Variants in PARD3B observed in about 807,000 individuals in gnomAD.
The protein encoded by PARD3B is par-3 family cell polarity regulator beta.
In PARD3B, 103 loss-of-function variants were observed where a neutral mutation model predicts 130.2. That is an observed-to-expected ratio of 0.79 (90% confidence interval 0.67 to 0.93). The LOEUF is 0.93. PARD3B is among the 40% of genes least tolerant of loss of function. PARD3B has a pLI of 0.00. For synonymous variants in PARD3B, 583 were observed against 553.2 expected (o/e 1.05, Z -0.76); for missense variants, 1,609 against 1,499.2 (o/e 1.07, Z -1.21).
chr2:204,775,714 G>A (rs1443720210), intron 2 of PARD3B, among the ~76,000 whole-genome samples: 2 of 152,158 alleles, frequency 1.3e-5, no homozygotes, highest in African/African-American at 4.8e-5. Context: ...CAGATATCAA[G>A]TAATTCTGCT....
chr2:205,149,320 TC>T (rs912724524), intron 10 of PARD3B, among the ~76,000 whole-genome samples: 1 of 152,034 alleles, frequency 6.6e-6, no homozygotes, highest in Non-Finnish European at 1.5e-5. Flanking sequence ...TCAAGTCATC[TC>T]CCCGCCTCGG....
intron 15 of PARD3B, among the ~76,000 whole-genome samples, chr2:205,245,122 G>T (rs1039272544): frequency 1.6e-4 from 24 of 152,124 alleles, no homozygotes; most frequent in Non-Finnish European, 5.9e-5. Context: ...CCTCAAGCTG[G>T]GGCCATCACT....
At position 205,187,650 on chromosome 2, in the gene PARD3B, C is replaced by T. The variant is rs188683011; in HGVS notation, c.2024+1787C>T. Among the ~76,000 whole-genome samples, 55 of 152,280 alleles carry T rather than the reference C, an allele frequency of 3.6e-4. 1 individual carries two copies. The South Asian group carries it at 5.8e-3, about 16-fold the overall frequency. On this transcript the variant is annotated intron_variant, in intron 14 of 22. Transcript: ENST00000406610. This position sits in a 1 kb window ranked among gnomAD's most constrained non-coding sequence, Gnocchi z 4.9. ...TGTCTTTTTGGCTTCAAAGTCTCCA[C>T]GGATTTCTTTCCTTCCCTTTTCTGC...
chr2:205,540,011 G>A (rs2052051253), intron 21 of PARD3B, among the ~76,000 whole-genome samples: 1 of 152,148 alleles, frequency 6.6e-6, no homozygotes, highest in South Asian at 2.1e-4. Context: ...TCACTACTCA[G>A]CTTGCAGGGA....
rs1167513547 is a variant in PARD3B, at chr2:204,965,211, C to T, written c.282C>T (p.Asn94=). ...PLHKIESPSG[N]PADRQSPDAF... ...ACAAGATTGAGAGCCCCAGTGGAAA[C>T]CCTGCAGATCGGCAGAGCCCAGATG... Residue 94 remains asparagine (N), a synonymous_variant, in exon 3 of 23, where the codon AAC becomes AAT. Transcript: ENST00000406610. 1.9e-6 allele frequency: 3 copies of T among 1,613,804 alleles called. No homozygotes were observed. Among genetic ancestry groups the T allele is most frequent in the Admixed American group, 1.7e-5 (1 of 59,946 alleles).
intron 2 of PARD3B, among the ~76,000 whole-genome samples, chr2:204,900,621 T>C (rs1394185446): frequency 6.6e-6 from 1 of 152,246 alleles, no homozygotes; most frequent in Non-Finnish European, 1.5e-5. Flanking sequence ...GATTTGTCTT[T>C]GGTGCCTTAC....
intron 2 of PARD3B, among the ~76,000 whole-genome samples, chr2:204,743,516 G>A (rs1228144351): frequency 6.6e-6 from 1 of 152,068 alleles, no homozygotes; most frequent in Non-Finnish European, 1.5e-5. Context: ...CTCATCATGT[G>A]CATGTGAAGA....
rs987571780 is a variant in PARD3B at position 205,244,171 on chromosome 2, T to C, written c.2141-1607T>C. 1.3e-5 allele frequency among the ~76,000 whole-genome samples: 2 copies of C among 152,098 alleles called. No individual in the cohort carries two copies. Among genetic ancestry groups the C allele is most frequent in the African/African-American group, 4.8e-5 (2 of 41,408 alleles). ...AATAGCTTAGAAAAGGAGGGCTAGG[T>C]GGGAGTGGGAAGATTATGTATAGTA... On this transcript the variant is annotated intron_variant, in intron 15 of 22. Coordinates refer to ENST00000406610, the MANE Select transcript of PARD3B (RefSeq NM_001302769.2). This position sits in a 1 kb window ranked among gnomAD's most constrained non-coding sequence, Gnocchi z 4.7.
At chr2:204,785,734 A>G (rs984510253) in intron 2 of PARD3B, among the ~76,000 whole-genome samples, 3 of 152,220 alleles carry the variant, frequency 2.0e-5, no homozygotes, top group South Asian at 4.1e-4. Flanking sequence ...TGAATAACTT[A>G]GTAAGTTTTA....
intron 2 of PARD3B, among the ~76,000 whole-genome samples, chr2:204,793,152 G>A (rs1269929098): frequency 6.6e-6 from 1 of 152,194 alleles, no homozygotes; most frequent in Non-Finnish European, 1.5e-5. Flanking sequence ...CAAAATATAT[G>A]AGGCTTGCTG....
chr2:205,400,880 T>G, intron 18 of PARD3B, 133 bp from the exon 19 acceptor site: 1 of 628,736 alleles, frequency 1.6e-6, no homozygotes, highest in African/African-American at 1.8e-5. Context: ...TTTAGTTCCA[T>G]TTTATGCAAA....
rs115750020 is a variant in PARD3B at position 205,101,779 on chromosome 2, G to A, written c.505-2647G>A. ...TTATTCTAAGTGAAAGAAGCCACAA[G>A]TCTTATGATTCTGTTTATATGAAAT... On this transcript the variant is annotated intron_variant, in intron 4 of 22. Transcript: ENST00000406610. Among the ~76,000 whole-genome samples, 1,411 of 152,250 alleles carry A rather than the reference G, an allele frequency of 9.3e-3. 13 individuals are homozygous for A. Among genetic ancestry groups the A allele is most frequent in the Non-Finnish European group, 0.017 (1,143 of 68,022 alleles).
chr2:205,489,349 C>T (rs1575146189), intron 20 of PARD3B, among the ~76,000 whole-genome samples: 1 of 151,834 alleles, frequency 6.6e-6, no homozygotes, highest in African/African-American at 2.4e-5. Context: ...CAGTGGCTCA[C>T]ACCTATAATC....
intron 21 of PARD3B, among the ~76,000 whole-genome samples, chr2:205,503,036 C>T (rs1213554673): frequency 6.7e-6 from 1 of 148,652 alleles, no homozygotes; most frequent in East Asian, 2.1e-4. Context: ...CCTCTCTCTT[C>T]TCTCTTCCCT....
At chr2:204,845,573 A>C (rs1010361874) in intron 2 of PARD3B, among the ~76,000 whole-genome samples, 1 of 152,114 alleles carries the variant, frequency 6.6e-6, no homozygotes, top group African/African-American at 2.4e-5. Context: ...TATGAAAAAC[A>C]GAGATTCTAA....
intron 1 of PARD3B, among the ~76,000 whole-genome samples, chr2:204,640,350 G>A (rs2035033557): frequency 1.3e-5 from 2 of 152,156 alleles, no homozygotes; most frequent in Admixed American, 1.3e-4. Flanking sequence ...AGGTTCCCTT[G>A]CCCCAAATTC....
chr2:205,534,897 C>A (rs186913183), intron 21 of PARD3B, among the ~76,000 whole-genome samples: 1 of 152,258 alleles, frequency 6.6e-6, no homozygotes, highest in East Asian at 1.9e-4. Context: ...TTTCTCATGG[C>A]CTAGCTCTAG....
At chr2:205,177,564 C>T (rs949960342) in intron 13 of PARD3B, among the ~76,000 whole-genome samples, 1 of 152,124 alleles carries the variant, frequency 6.6e-6, no homozygotes, top group Non-Finnish European at 1.5e-5. Context: ...ATTTTGAACA[C>T]TTAAGTGTTA....
intron 1 of PARD3B, among the ~76,000 whole-genome samples, chr2:204,550,642 A>G (rs2030388245): frequency 1.3e-5 from 2 of 152,212 alleles, no homozygotes; most frequent in Admixed American, 6.5e-5. Flanking sequence ...AGGAAAAATT[A>G]TATTTGATAG....
Sources: allele counts gnomAD v4.1 joint callset (sites outside exome capture counted in the v4.1 genomes callset), GRCh38; gene constraint gnomAD v4.1.1; non-coding constraint Gnocchi (gnomAD v3.1); transcripts MANE v1.5; gene names NCBI Gene and HGNC (gene_info 2026-07-23, HGNC 2026-07-21).